MDFIC2: variants seen among roughly 807,000 people sequenced by gnomAD.
MDFIC2 encodes the protein myoD family inhibitor domain-containing protein 2.
At chr3:70,200,716 CT>C (rs1163936033) in intron 3 of MDFIC2, among the ~76,000 whole-genome samples, 1 of 152,196 alleles carries the variant, frequency 6.6e-6, no homozygotes, top group Non-Finnish European at 1.5e-5. Context: ...CCATATCTCT[CT>C]CTCTGGTTGA....
chr3:70,304,558 G>C (rs1456987342), intron 2 of MDFIC2, among the ~76,000 whole-genome samples: 1 of 152,008 alleles, frequency 6.6e-6, no homozygotes, highest in East Asian at 1.9e-4. Context: ...GTCAGCCTTT[G>C]ATTCCTTTCT....
chr3:70,199,390 AG>A (rs1309333667), intron 3 of MDFIC2, among the ~76,000 whole-genome samples: 7 of 151,722 alleles, frequency 4.6e-5, no homozygotes, highest in Non-Finnish European at 8.8e-5. Flanking sequence ...GAAAAAAAAA[AG>A]TTTTGGCTTA....
intron 2 of MDFIC2, among the ~76,000 whole-genome samples, chr3:70,294,337 A>G (rs1419276499): frequency 1.3e-5 from 2 of 152,186 alleles, no homozygotes; most frequent in Non-Finnish European, 2.9e-5. Flanking sequence ...ACAAGAAGTA[A>G]TGATACTTAG....
At chr3:70,285,931 T>G (rs11927061) in intron 2 of MDFIC2, among the ~76,000 whole-genome samples, 32,462 of 150,378 alleles carry the variant, frequency 0.22, 3,655 homozygotes, top group African/African-American at 0.29. Flanking sequence ...TAAATTTGTT[T>G]GAGTTCATTG....
intron 2 of MDFIC2, chr3:70,291,911 TCTTA>T (rs1327951831): frequency 6.6e-6 from 1 of 152,244 alleles, no homozygotes; most frequent in East Asian, 1.9e-4. Flanking sequence ...ATCTTTCGCC[TCTTA>T]CTTAAATTGT....
intron 2 of MDFIC2, among the ~76,000 whole-genome samples, chr3:70,231,971 G>A (rs748187955): frequency 1.3e-5 from 2 of 152,112 alleles, no homozygotes; most frequent in African/African-American, 2.4e-5. Flanking sequence ...AGTGTTGGGA[G>A]CCCCCAAAGC....
intron 2 of MDFIC2, among the ~76,000 whole-genome samples, chr3:70,270,890 G>A (rs1050375184): frequency 1.3e-5 from 2 of 152,092 alleles, no homozygotes; most frequent in Non-Finnish European, 2.9e-5. Flanking sequence ...ATCAGGGGAT[G>A]GGGGTCTAGG....
chr3:70,259,693 G>C (rs1701847747), intron 2 of MDFIC2, among the ~76,000 whole-genome samples: 1 of 152,202 alleles, frequency 6.6e-6, no homozygotes, highest in Non-Finnish European at 1.5e-5. Context: ...CATGGCTACT[G>C]TAACAAAGTG....
rs188175846 is a variant in MDFIC2, at chr3:70,202,338, C to T, written c.310+4231G>A. On this transcript the variant is annotated intron_variant, in intron 3 of 3. Transcript: ENST00000567252. Reference sequence around the variant, plus strand: ...TAGTGGTTAGTGACTAGTAGTCTATCTGACAACAGTTAGTACTAGTGGTCT... The same window carrying T: ...TAGTGGTTAGTGACTAGTAGTCTATTTGACAACAGTTAGTACTAGTGGTCT... Among the ~76,000 whole-genome samples, 14 of 152,258 alleles carry T rather than the reference C, an allele frequency of 9.2e-5. No homozygotes were observed. The East Asian group carries it at 2.5e-3, about 27-fold the overall frequency.
Sources: allele counts gnomAD v4.1 joint callset (sites outside exome capture counted in the v4.1 genomes callset), GRCh38; gene constraint gnomAD v4.1.1; transcripts MANE v1.5; gene names NCBI Gene and HGNC (gene_info 2026-07-23, HGNC 2026-07-21).